BCL2L13: variants seen among roughly 807,000 people sequenced by gnomAD.
BCL2L13 encodes bcl-2-like protein 13.
Under a neutral mutation model 25.8 loss-of-function variants are expected in BCL2L13, and 13 were observed. The observed-to-expected ratio is 0.50, with a 90% confidence interval of 0.33 to 0.80. The LOEUF is 0.80. BCL2L13 is among the 30% of genes least tolerant of loss of function. The pLI, the probability that BCL2L13 is intolerant of heterozygous loss-of-function variation, is 0.02. For missense variants in BCL2L13, 504 were observed against 574.9 expected (o/e 0.88, Z 1.26); for synonymous variants, 244 against 230.3 (o/e 1.06, Z -0.54).
chr22:17,636,559 AG>A (rs920562352), upstream of BCL2L13, among the ~76,000 whole-genome samples: 1 of 150,670 alleles, frequency 6.6e-6, no homozygotes, highest in Non-Finnish European at 1.5e-5. Context: ...GGAGGCCGAG[AG>A]GGGTGATCAC....
chr22:17,683,984 G>T (rs1167901191), intron 3 of BCL2L13, among the ~76,000 whole-genome samples: 1 of 151,648 alleles, frequency 6.6e-6, no homozygotes, highest in Non-Finnish European at 1.5e-5. Flanking sequence ...CTGTTCCCTT[G>T]TTATTGAGGG....
At chr22:17,630,016 C>T (rs1029619076) in intron 1 of BCL2L13, among the ~76,000 whole-genome samples, 4 of 151,866 alleles carry the variant, frequency 2.6e-5, no homozygotes, top group African/African-American at 4.8e-5. Flanking sequence ...GTCGGGATTT[C>T]GAGACCAGCC....
chr22:17,722,998 C>T (rs1297403802), intron 6 of BCL2L13, among the ~76,000 whole-genome samples: 1 of 152,054 alleles, frequency 6.6e-6, no homozygotes, highest in African/African-American at 2.4e-5. Context: ...TTTAAACTTT[C>T]CTGAGGGTAT....
intron 6 of BCL2L13, chr22:17,706,723 A>G: frequency 7.4e-7 from 1 of 1,351,764 alleles, no homozygotes; most frequent in Non-Finnish European, 9.8e-7. Flanking sequence ...TCCCTGAGTC[A>G]TCCTTGCTCC....
At chr22:17,693,372 G>GTTTGGTTTTTTT (rs1284865411) in intron 4 of BCL2L13, among the ~76,000 whole-genome samples, 4 of 70,612 alleles carry the variant, frequency 5.7e-5, no homozygotes, top group African/African-American at 2.1e-4. Flanking sequence ...TTTAGTGTTT[G>GTTTGGTTTTTTT]TTTTTTTTTT....
chr22:17,685,251 C>T lies in BCL2L13; in HGVS notation c.229+1930C>T, dbSNP rs111444092. On this transcript the variant is annotated intron_variant, in intron 3 of 6. Transcript: ENST00000317582. ...TTGTTGTTGCTGTTTTTTAAGACATCGCCTTGCTCTGTTGCACAGGCTGGC... is the reference window on the plus strand; with the variant it reads ...TTGTTGTTGCTGTTTTTTAAGACATTGCCTTGCTCTGTTGCACAGGCTGGC... 4.3e-3 allele frequency among the ~76,000 whole-genome samples: 649 copies of T among 151,826 alleles called. 7 individuals are homozygous for T. Among genetic ancestry groups the T allele is most frequent in the African/African-American group, 0.015 (617 of 41,434 alleles).
Position 17,638,895 on chromosome 22 carries a change from A to G in BCL2L13, c.-51+9A>G. 2.4e-6 allele frequency: 3 copies of G among 1,232,024 alleles called. No homozygotes were observed. The highest frequency in any genetic ancestry group is 3.0e-6 in the Non-Finnish European group (3 of 988,350). 76.3% of individuals were successfully genotyped at this position (1,232,024 alleles called of 1,614,324 possible). On this transcript the variant is annotated intron_variant, in intron 1 of 6. Transcript: ENST00000317582. ...GCAGGGGCCAGGGCCAGGTGAGGGG[A>G]GTGGGGTTCCGGGAAGGCTGAGCTG...
rs1355893585 is a variant in BCL2L13 at position 17,728,640 on chromosome 22, G to A, written c.*1106G>A. ...AGGGGGTAAGGATTTTTATTCTTGG[G>A]CTTATAGAGCCAGTTAGATCATAAT... On this transcript the variant is annotated 3_prime_UTR_variant, in exon 7 of 7. Coordinates refer to ENST00000317582, the MANE Select transcript of BCL2L13 (RefSeq NM_015367.4). 2 of 152,158 alleles carry A rather than the reference G, an allele frequency of 1.3e-5. No individual in the cohort carries two copies. The highest frequency in any genetic ancestry group is 6.6e-5 in the Admixed American group (1 of 15,266). 9.4% of individuals were successfully genotyped at this position (152,158 alleles called of 1,614,324 possible). A position where few individuals can be genotyped will look rare whatever the true frequency, so the allele number is the denominator to read the frequency against.
At chr22:17,636,750 C>T (rs9605357), upstream of BCL2L13, among the ~76,000 whole-genome samples, 14,796 of 151,896 alleles carry the variant, frequency 0.097, 901 homozygotes, top group African/African-American at 0.16. Flanking sequence ...GCTGAGATCG[C>T]GCCATTGCAC....
intron 1 of BCL2L13, among the ~76,000 whole-genome samples, chr22:17,639,591 T>G (rs2058194698): frequency 6.6e-6 from 1 of 152,208 alleles, no homozygotes; most frequent in African/African-American, 2.4e-5. Flanking sequence ...ACTGCTGGCT[T>G]TGGTTAGCTC....
At chr22:17,686,385 G>A (rs866042031) in intron 3 of BCL2L13, among the ~76,000 whole-genome samples, 6 of 152,122 alleles carry the variant, frequency 3.9e-5, no homozygotes, top group Middle Eastern at 3.4e-3. Flanking sequence ...AGGAAGCATA[G>A]GTTGTAGTGA....
intron 4 of BCL2L13, among the ~76,000 whole-genome samples, chr22:17,693,331 T>C (rs2060157770): frequency 7.0e-6 from 1 of 143,010 alleles, no homozygotes; most frequent in Non-Finnish European, 1.5e-5. Flanking sequence ...GCCTTTGGGG[T>C]AGTTTATTTA....
At position 17,727,652 on chromosome 22, in the gene BCL2L13, C is replaced by T. The variant is rs2061334204; in HGVS notation, c.*118C>T. 4 of 1,401,086 alleles carry T rather than the reference C, an allele frequency of 2.9e-6. No homozygotes were observed. The South Asian group carries it at 5.3e-5, about 19-fold the overall frequency. The allele number at this position is 1,401,086 out of a possible 1,614,324, so 86.8% of individuals were successfully genotyped here. Reference sequence around the variant, plus strand: ...AACACTCTGGGATAATTGGGGACTTCTGCTCAACATGGCAGTGGCATGTTA... The same window carrying T: ...AACACTCTGGGATAATTGGGGACTTTTGCTCAACATGGCAGTGGCATGTTA... On this transcript the variant is annotated 3_prime_UTR_variant, in exon 7 of 7. Coordinates refer to ENST00000317582, the MANE Select transcript of BCL2L13 (RefSeq NM_015367.4).
chr22:17,652,339 C>T (rs889825901), intron 1 of BCL2L13, among the ~76,000 whole-genome samples: 2 of 152,136 alleles, frequency 1.3e-5, no homozygotes, highest in African/African-American at 4.8e-5. Context: ...TTCCCAGCCA[C>T]ACATTAAGCA....
intron 2 of BCL2L13, among the ~76,000 whole-genome samples, chr22:17,680,624 G>T (rs1193571239): frequency 6.6e-6 from 1 of 151,646 alleles, no homozygotes; most frequent in South Asian, 2.1e-4. Context: ...TCTCCGAGGG[G>T]AGTGCATTGC....
At chr22:17,715,186 T>A (rs866381437) in intron 6 of BCL2L13, among the ~76,000 whole-genome samples, 1 of 91,876 alleles carries the variant, frequency 1.1e-5, no homozygotes, top group Non-Finnish European at 2.2e-5. Context: ...TTTTTTTTTT[T>A]TTTTTTTTTT....
chr22:17,682,529 T>G (rs2059786340), intron 2 of BCL2L13, among the ~76,000 whole-genome samples: 1 of 152,180 alleles, frequency 6.6e-6, no homozygotes, highest in African/African-American at 2.4e-5. Flanking sequence ...TTTTTGTTTT[T>G]ATCATATTCC....
In BCL2L13 at chr22:17,720,411, C is replaced by T. The variant is rs147760853; in HGVS notation, c.601-6266C>T. On this transcript the variant is annotated intron_variant, in intron 6 of 6. Transcript: ENST00000317582. ...CACTCTTGTTGTCCAGGCCGGAGTG[C>T]ACTGGCGCGATCTCGGCTCACCACA... 4.8e-3 allele frequency among the ~76,000 whole-genome samples: 732 copies of T among 152,132 alleles called. 8 individuals are homozygous for T. The highest frequency in any genetic ancestry group is 0.017 in the African/African-American group (705 of 41,496).
chr22:17,642,144 T>G (rs924519290), intron 1 of BCL2L13, among the ~76,000 whole-genome samples: 1 of 144,862 alleles, frequency 6.9e-6, no homozygotes, highest in African/African-American at 2.6e-5. Flanking sequence ...TTTTTTTTTT[T>G]TTTTTTGAGA....
Sources: gnomAD v4.1 joint callset for allele counts (sites outside exome capture counted in the v4.1 genomes callset) on GRCh38, gnomAD v4.1.1 for gene constraint, MANE v1.5 for transcripts, NCBI Gene and HGNC (gene_info 2026-07-23, HGNC 2026-07-21) for gene names.